Variants in HIVEP1 observed in about 807,000 individuals in gnomAD.
The protein encoded by HIVEP1 is zinc finger protein 40.
HIVEP1 carries 36 observed loss-of-function variants against 180.0 expected under a neutral mutation model. That is an observed-to-expected ratio of 0.20 (90% CI 0.15 to 0.26). The LOEUF (loss-of-function observed/expected upper bound fraction) is 0.26. HIVEP1 is among the 10% of genes least tolerant of loss of function. The pLI is 1.00. For synonymous variants in HIVEP1, 1,239 were observed against 1,239.0 expected (o/e 1.00, Z 0.00); for missense variants, 3,143 against 3,268.7 (o/e 0.96, Z 0.94).
intron 2 of HIVEP1, among the ~76,000 whole-genome samples, chr6:12,050,492 A>C (rs1362432524): frequency 6.6e-6 from 1 of 152,056 alleles, no homozygotes; most frequent in East Asian, 1.9e-4. Flanking sequence ...AGGCTGAGGC[A>C]GGAGAATGGC....
At chr6:12,168,322 A>G (rs1760807820), downstream of HIVEP1, among the ~76,000 whole-genome samples, 2 of 138,064 alleles carry the variant, frequency 1.4e-5, no homozygotes, top group South Asian at 2.1e-4. Context: ...TTATATACAT[A>G]TATATTATAT....
rs748422742 is a variant in HIVEP1, at chr6:12,125,558, A to G, written c.5763A>G (p.Ser1921=). 5.0e-6 allele frequency: 8 copies of G among 1,614,080 alleles called. No individual in the cohort carries two copies. The highest frequency in any genetic ancestry group is 3.4e-6 in the Non-Finnish European group (4 of 1,180,038). ...GTCAACAGCCAGTCACTTCTCTTTC[A>G]TTGTTTAACATCAAGGACACCCAGC... The part of the protein sequence containing the change: ...EQSQQPVTSL[S]LFNIKDTQQL... The change falls in exon 4 of 9, where the codon TCA becomes TCG. Residue 1921 remains serine (S), a synonymous_variant. Coordinates refer to ENST00000379388, the MANE Select transcript of HIVEP1 (RefSeq NM_002114.4).
At chr6:12,035,224 G>C (rs1254724796) in intron 2 of HIVEP1, among the ~76,000 whole-genome samples, 1 of 152,174 alleles carries the variant, frequency 6.6e-6, no homozygotes, top group Non-Finnish European at 1.5e-5. Context: ...GAGTGTATCT[G>C]TTCAGGAGTC....
the HIVEP1 span, among the ~76,000 whole-genome samples, chr6:12,203,676 C>T: frequency 6.6e-6 from 1 of 152,148 alleles, no homozygotes; most frequent in African/African-American, 2.4e-5. Flanking sequence ...AATGAATTGC[C>T]ATTAGGCTGA....
At chr6:12,168,214 A>ATATACATG (rs1277075377), downstream of HIVEP1, among the ~76,000 whole-genome samples, 1 of 100,562 alleles carries the variant, frequency 9.9e-6, no homozygotes, top group Non-Finnish European at 2.0e-5. Context: ...ATATATACAT[A>ATATACATG]TATACATATA....
At position 12,124,767 on chromosome 6, in the gene HIVEP1, A is replaced by C; in HGVS notation, c.4972A>C (p.Ile1658Leu). The stretch of plus-strand genomic sequence containing the variant: ...TGCTACACTCACATCCCTGCCACAA[A>C]TACTAGTGACCCAAGATCTGCCCAA... ...CFATLTSLPQ[I>L]LVTQDLPNQP... Residue 1658 changes from isoleucine to leucine, a missense_variant, in exon 4 of 9, where the codon ATA (isoleucine) becomes CTA (leucine). Coordinates refer to ENST00000379388, the MANE Select transcript of HIVEP1 (RefSeq NM_002114.4). 6.2e-7 allele frequency: 1 copy of C among 1,614,182 alleles called. No homozygotes were observed. The highest frequency in any genetic ancestry group is 8.5e-7 in the Non-Finnish European group (1 of 1,180,034).
intron 3 of HIVEP1, among the ~76,000 whole-genome samples, chr6:12,113,872 T>C (rs1775055998): frequency 6.6e-6 from 1 of 152,230 alleles, no homozygotes; most frequent in Admixed American, 6.5e-5. Flanking sequence ...ACCTCCATCT[T>C]CACCAGTTGT....
chr6:12,074,643 T>TGTGTGTGTGTGC (rs573970756), intron 2 of HIVEP1, among the ~76,000 whole-genome samples: 1 of 148,032 alleles, frequency 6.8e-6, no homozygotes, highest in African/African-American at 2.6e-5. Flanking sequence ...TGTGTGTGTG[T>TGTGTGTGTGTGC]GCGCGCGCGT....
In HIVEP1 at chr6:12,125,380, A is replaced by T. The variant is rs201948229; in HGVS notation, c.5585A>T (p.Lys1862Met). ...GAATTGCAGGAATTTGAAAACATCA[A>T]GTCATCCACATCATTAACTCTTACA... ...ISELQEFENIKSSTSLTLTVR... is the reference protein window; with the variant it reads ...ISELQEFENIMSSTSLTLTVR... Residue 1862 changes from lysine (K) to methionine (M), a missense_variant, in exon 4 of 9, where the codon AAG (lysine) becomes ATG (methionine). This residue lies in a region of HIVEP1 where 1,357 missense variants were observed against 1,260.5 expected (regional missense o/e 1.08). Coordinates refer to ENST00000379388, the MANE Select transcript of HIVEP1 (RefSeq NM_002114.4). 1.4e-5 allele frequency: 23 copies of T among 1,613,966 alleles called. No homozygotes were observed. The highest frequency in any genetic ancestry group is 1.9e-5 in the Non-Finnish European group (23 of 1,179,940).
Position 12,164,025 on chromosome 6 carries a change from C to G in HIVEP1, c.7721C>G (p.Ser2574Cys). ...DAQGAPEMPASQSKACETQPK... is the reference protein window; with the variant it reads ...DAQGAPEMPACQSKACETQPK... The stretch of plus-strand genomic sequence containing the variant: ...CAGGGAGCTCCAGAAATGCCAGCTT[C>G]CCAAAGCAAAGCATGCGAGACACAA... Residue 2574 changes from serine to cysteine, a missense_variant, in exon 9 of 9, where the codon TCC (serine) becomes TGC (cysteine). This residue lies in a region of HIVEP1 where 595 missense variants were observed against 602.2 expected (regional missense o/e 0.99). Coordinates refer to ENST00000379388, the MANE Select transcript of HIVEP1 (RefSeq NM_002114.4). The G allele has an allele frequency of 6.2e-7, 1 of 1,614,132 alleles. No individual in the cohort carries two copies. The highest frequency in any genetic ancestry group is 1.1e-5 in the South Asian group (1 of 91,078).
chr6:12,142,098 A>G (rs1759073902), intron 7 of HIVEP1, among the ~76,000 whole-genome samples: 1 of 152,208 alleles, frequency 6.6e-6, no homozygotes, highest in African/African-American at 2.4e-5. Flanking sequence ...TCAGCACCAC[A>G]TCGCCCTTAT....
Position 12,121,979 on chromosome 6 carries a change from A to G in HIVEP1, c.2184A>G (p.Ala728=). 6.2e-7 allele frequency: 1 copy of G among 1,614,156 alleles called. No individual in the cohort carries two copies. Reference sequence around the variant, plus strand: ...CTGCTTTGCCCACAGGGGAAAAGGCATTGCTTTTACCAGGTCAGATGCGCC... The same window carrying G: ...CTGCTTTGCCCACAGGGGAAAAGGCGTTGCTTTTACCAGGTCAGATGCGCC... ...TPSALPTGEK[A]LLLPGQMRPP... The change falls in exon 4 of 9, where the codon GCA becomes GCG. Residue 728 remains alanine, a synonymous_variant. Coordinates refer to ENST00000379388, the MANE Select transcript of HIVEP1 (RefSeq NM_002114.4). The surrounding 1 kb of genome is among the most constrained non-coding windows in gnomAD (Gnocchi z 5.3).
intron 7 of HIVEP1, among the ~76,000 whole-genome samples, chr6:12,142,107 A>G (rs758442027): frequency 2.3e-4 from 35 of 152,230 alleles, no homozygotes; most frequent in East Asian, 1.5e-3. Context: ...CATCGCCCTT[A>G]TTCTAAAATT....
intron 3 of HIVEP1, among the ~76,000 whole-genome samples, chr6:12,108,696 C>G (rs1390414737): frequency 6.6e-6 from 1 of 152,216 alleles, no homozygotes; most frequent in Non-Finnish European, 1.5e-5. Flanking sequence ...CGGGGCCCGC[C>G]AAGCCCACGC....
downstream of HIVEP1, among the ~76,000 whole-genome samples, chr6:12,166,840 A>G (rs1760710252): frequency 6.6e-6 from 1 of 152,194 alleles, no homozygotes; most frequent in Non-Finnish European, 1.5e-5. Context: ...TTATTGACAA[A>G]ACAGGTGAAA....
rs199700749 is a variant in HIVEP1, at chr6:12,123,035, C to G, written c.3240C>G (p.Asp1080Glu). 2 of 1,614,164 alleles carry G rather than the reference C, an allele frequency of 1.2e-6. No individual in the cohort carries two copies. Among genetic ancestry groups the G allele is most frequent in the Non-Finnish European group, 1.7e-6 (2 of 1,180,028 alleles). ...LPKHNVTIRS[D>E]QQHKNIQLQN... Reference sequence around the variant, plus strand: ...AACATAATGTTACCATAAGAAGTGACCAGCAGCATAAAAATATACAGTTGC... The same window carrying G: ...AACATAATGTTACCATAAGAAGTGAGCAGCAGCATAAAAATATACAGTTGC... The change falls in exon 4 of 9, where the codon GAC becomes GAG. Residue 1080 changes from aspartate (D) to glutamate (E), a missense_variant. Asp to Glu is a conservative substitution (Grantham distance 45). Transcript: ENST00000379388.
intron 2 of HIVEP1, among the ~76,000 whole-genome samples, chr6:12,078,354 A>C (rs1248904263): frequency 6.6e-6 from 1 of 152,108 alleles, no homozygotes; most frequent in Non-Finnish European, 1.5e-5. Context: ...CTGCCCCAGT[A>C]CCAGTAGACC....
At chr6:12,193,204 ATACT>A in the HIVEP1 span, among the ~76,000 whole-genome samples, 1 of 152,204 alleles carries the variant, frequency 6.6e-6, no homozygotes, top group Non-Finnish European at 1.5e-5. Flanking sequence ...TATAATTTCA[ATACT>A]TAGTCAATAT....
At position 12,150,061 on chromosome 6, in the gene HIVEP1, T is replaced by G. The variant is rs550957654; in HGVS notation, c.6488-11378T>G. 2.0e-4 allele frequency among the ~76,000 whole-genome samples: 30 copies of G among 152,322 alleles called. No individual in the cohort carries two copies. In the South Asian group the frequency reaches 5.8e-3, roughly 29 times the overall value. ...AAGCCAGCCATTAAAATGTGGACAT[T>G]CGGCATTTAAAAGAAGTTTCTATTT... On this transcript the variant is annotated intron_variant, in intron 7 of 8. Coordinates refer to ENST00000379388, the MANE Select transcript of HIVEP1 (RefSeq NM_002114.4).
Sources: gnomAD v4.1 joint callset for allele counts (sites outside exome capture counted in the v4.1 genomes callset) on GRCh38, gnomAD v4.1.1 for gene constraint, gnomAD v4.1.1 regional missense constraint, Gnocchi (gnomAD v3.1) non-coding constraint, MANE v1.5 for transcripts, NCBI Gene and HGNC (gene_info 2026-07-23, HGNC 2026-07-21) for gene names.